Variants in NCOA2 observed in about 807,000 individuals in gnomAD.
The protein encoded by NCOA2 is nuclear receptor coactivator 2.
Under a neutral mutation model 145.1 loss-of-function variants are expected in NCOA2, and 21 were observed. The observed-to-expected ratio is 0.14, with a 90% CI of 0.10 to 0.21. The LOEUF (loss-of-function observed/expected upper bound fraction) is 0.21, where lower values mean the gene tolerates loss of function less well. Ranked by LOEUF, NCOA2 falls within the 10% of genes least tolerant of loss-of-function variation. NCOA2 has a pLI of 1.00. For synonymous variants in NCOA2, 619 were observed against 637.5 expected (o/e 0.97, Z 0.44); for missense variants, 1,472 against 1,837.6 (o/e 0.80, Z 3.64).
intron 13 of NCOA2, among the ~76,000 whole-genome samples, chr8:70,143,166 T>G (rs1005249166): frequency 6.6e-6 from 1 of 152,178 alleles, no homozygotes; most frequent in African/African-American, 2.4e-5. Flanking sequence ...GTCGGGATGG[T>G]CTCGAACTCC....
At chr8:70,438,727 G>A in the NCOA2 span, among the ~76,000 whole-genome samples, 1 of 152,112 alleles carries the variant, frequency 6.6e-6, no homozygotes, top group Non-Finnish European at 1.5e-5. Context: ...CCTTGATCTG[G>A]GAATAAATAA....
chr8:70,442,116 G>GAAGAAAGAAAGA, the NCOA2 span, among the ~76,000 whole-genome samples: 2,253 of 82,404 alleles, frequency 0.027, 53 homozygotes, highest in African/African-American at 0.042. Flanking sequence ...GAGAAAGAAA[G>GAAGAAAGAAAGA]AAGAAAGAAA....
At chr8:70,324,661 C>T (rs1386544734) in intron 1 of NCOA2, among the ~76,000 whole-genome samples, 2 of 151,848 alleles carry the variant, frequency 1.3e-5, no homozygotes, top group East Asian at 1.9e-4. Flanking sequence ...ATAGGATAAA[C>T]TCTATAGATC....
At chr8:70,161,626 T>A (rs1554579277) in intron 9 of NCOA2, among the ~76,000 whole-genome samples, 1 of 152,198 alleles carries the variant, frequency 6.6e-6, no homozygotes, top group Non-Finnish European at 1.5e-5. Flanking sequence ...CCAACACTAT[T>A]GGTAAAGTGC....
At chr8:70,307,068 T>C (rs993658950) in intron 1 of NCOA2, among the ~76,000 whole-genome samples, 10 of 152,066 alleles carry the variant, frequency 6.6e-5, no homozygotes, top group African/African-American at 2.4e-4. Flanking sequence ...ACCCAACTCC[T>C]TATTCCCTCA....
At chr8:70,283,764 G>A (rs1055352660) in intron 2 of NCOA2, among the ~76,000 whole-genome samples, 2 of 152,050 alleles carry the variant, frequency 1.3e-5, no homozygotes, top group African/African-American at 4.8e-5. Context: ...TCAGATTTTG[G>A]AATATTTGCA....
At position 70,166,557 on chromosome 8, in the gene NCOA2, C is replaced by A; in HGVS notation, c.730+9G>T. 1 of 1,613,896 alleles carries A rather than the reference C, an allele frequency of 6.2e-7. No individual in the cohort carries two copies. Among genetic ancestry groups the A allele is most frequent in the Non-Finnish European group, 8.5e-7 (1 of 1,179,782 alleles). ...AGACACACAGAACACCCTAGGGATT[C>A]TGTCCCACCTTCTCCTTCTTCTTTG... On this transcript the variant is annotated intron_variant, in intron 7 of 22. Transcript: ENST00000452400.
chr8:70,164,872 C>G (rs1813435577), intron 7 of NCOA2, among the ~76,000 whole-genome samples: 1 of 151,664 alleles, frequency 6.6e-6, no homozygotes, highest in Non-Finnish European at 1.5e-5. Flanking sequence ...ATCCTCTTAA[C>G]AGCTCTATGA....
Position 70,171,511 on chromosome 8 carries a change from C to T in NCOA2, c.364-1132G>A, listed in dbSNP as rs563044451. Among the ~76,000 whole-genome samples, 20 of 152,280 alleles carry T rather than the reference C, an allele frequency of 1.3e-4. No homozygotes were observed. The South Asian group carries it at 1.7e-3, about 13-fold the overall frequency. On this transcript the variant is annotated intron_variant, in intron 5 of 22. Coordinates refer to ENST00000452400, the MANE Select transcript of NCOA2 (RefSeq NM_006540.4). ...TTGGGGGTTTAGTTTCTCCTGGTTA[C>T]ATTACCCCATTTTTCTCTTTTTGAC...
chr8:70,136,622 A>C (rs1375443000), intron 15 of NCOA2, among the ~76,000 whole-genome samples: 2 of 152,040 alleles, frequency 1.3e-5, no homozygotes, highest in Non-Finnish European at 2.9e-5. Context: ...TGAATATGTG[A>C]ATGTTACAGA....
At chr8:70,316,075 T>G (rs1177906552) in intron 1 of NCOA2, among the ~76,000 whole-genome samples, 1 of 152,196 alleles carries the variant, frequency 6.6e-6, no homozygotes, top group African/African-American at 2.4e-5. Flanking sequence ...ACATGCTTTC[T>G]AGGGAGAGTC....
intron 7 of NCOA2, among the ~76,000 whole-genome samples, chr8:70,166,256 G>A (rs1042497563): frequency 6.6e-6 from 1 of 152,132 alleles, no homozygotes; most frequent in African/African-American, 2.4e-5. Flanking sequence ...CTATTCAAAC[G>A]TAAATTTAAT....
chr8:70,165,226 T>C (rs2132491329), intron 7 of NCOA2, among the ~76,000 whole-genome samples: 1 of 152,366 alleles, frequency 6.6e-6, no homozygotes, highest in East Asian at 1.9e-4. Context: ...AATTTTGAAA[T>C]ACTATGTGTT....
intron 1 of NCOA2, among the ~76,000 whole-genome samples, chr8:70,372,619 T>C (rs1427963648): frequency 1.3e-5 from 2 of 152,200 alleles, no homozygotes; most frequent in Non-Finnish European, 2.9e-5. Flanking sequence ...AAATAAAGCA[T>C]AGCTATACCA....
intron 4 of NCOA2, among the ~76,000 whole-genome samples, chr8:70,194,676 C>CTTTT (rs199803538): frequency 6.4e-5 from 7 of 109,860 alleles, no homozygotes; most frequent in East Asian, 2.5e-4. Context: ...CTTTTATCTT[C>CTTTT]TTTTTTTTTT....
intron 4 of NCOA2, among the ~76,000 whole-genome samples, chr8:70,182,934 A>G (rs1224061173): frequency 6.6e-6 from 1 of 152,218 alleles, no homozygotes; most frequent in Non-Finnish European, 1.5e-5. Context: ...GTGAACTGAA[A>G]GCCAACAAGT....
At chr8:70,331,065 T>C (rs1807053381) in intron 1 of NCOA2, among the ~76,000 whole-genome samples, 1 of 152,180 alleles carries the variant, frequency 6.6e-6, no homozygotes, top group Non-Finnish European at 1.5e-5. Flanking sequence ...AGGAATTTAT[T>C]TACATCCTGA....
chr8:70,121,242 C>T, intron 22 of NCOA2, 60 bp downstream of exon 22: 4 of 1,401,090 alleles, frequency 2.9e-6, no homozygotes, highest in Non-Finnish European at 4.0e-6. Flanking sequence ...CACTTTTGGT[C>T]TATCAAATAT....
chr8:70,300,471 G>T (rs1296423689), intron 1 of NCOA2, among the ~76,000 whole-genome samples: 1 of 152,192 alleles, frequency 6.6e-6, no homozygotes, highest in African/African-American at 2.4e-5. Context: ...ATGGTGGTGT[G>T]AACACCTGCC....
Sources: gnomAD v4.1 joint callset for allele counts (sites outside exome capture counted in the v4.1 genomes callset) on GRCh38, gnomAD v4.1.1 for gene constraint, MANE v1.5 for transcripts, NCBI Gene and HGNC (gene_info 2026-07-23, HGNC 2026-07-21) for gene names.